The following DSCAML1 variants were observed in gnomAD, a reference collection of about 807,000 sequenced individuals.
The protein encoded by DSCAML1 is DS cell adhesion molecule like 1, also known as cell adhesion molecule DSCAML1.
A neutral mutation model predicts 200.5 loss-of-function variants in DSCAML1; 38 were observed. The observed-to-expected ratio is 0.19, with a 90% CI of 0.15 to 0.25. The LOEUF (loss-of-function observed/expected upper bound fraction) is 0.25, where lower values mean the gene tolerates loss of function less well. Ranked by LOEUF, DSCAML1 falls within the 10% of genes least tolerant of loss-of-function variation. The pLI, the probability that DSCAML1 is intolerant of heterozygous loss-of-function variation, is 1.00. For synonymous variants in DSCAML1, 1,215 were observed against 1,165.0 expected (o/e 1.04, Z -0.87); for missense variants, 2,223 against 2,858.8 (o/e 0.78, Z 5.07).
chr11:117,451,437 A>G (rs1296604806), intron 19 of DSCAML1, among the ~76,000 whole-genome samples: 2 of 152,200 alleles, frequency 1.3e-5, no homozygotes, highest in Non-Finnish European at 2.9e-5. Flanking sequence ...ATAGCATCCC[A>G]TTCAATTTAT....
intron 1 of DSCAML1, among the ~76,000 whole-genome samples, chr11:117,809,194 G>C (rs1033876477): frequency 2.0e-5 from 3 of 152,276 alleles, no homozygotes; most frequent in Non-Finnish European, 4.4e-5. Context: ...CCCAGGCTCA[G>C]GAGAAGTCTT....
At chr11:117,494,093 T>A (rs897536156) in intron 11 of DSCAML1, among the ~76,000 whole-genome samples, 10 of 152,234 alleles carry the variant, frequency 6.6e-5, no homozygotes, top group African/African-American at 2.4e-4. Context: ...TAGTATTTTT[T>A]ATTTCCATTT....
chr11:117,759,004 C>T (rs1453400453), intron 3 of DSCAML1, among the ~76,000 whole-genome samples: 1 of 152,182 alleles, frequency 6.6e-6, no homozygotes, highest in African/African-American at 2.4e-5. Context: ...TGCAAACACA[C>T]ACGCTGATAT....
rs2047950772 is a variant in DSCAML1, at chr11:117,437,802, C to T, written c.4432+93G>A. ...CTGCATCCCTGGACCCCTCCTTCCCCACCCCAGCCACCTTACACCCCATAC... is the reference window on the plus strand; with the variant it reads ...CTGCATCCCTGGACCCCTCCTTCCCTACCCCAGCCACCTTACACCCCATAC... On this transcript the variant is annotated intron_variant, in intron 25 of 32. Coordinates refer to ENST00000651296, the MANE Select transcript of DSCAML1 (RefSeq NM_020693.4). This position sits in a 1 kb window ranked among gnomAD's most constrained non-coding sequence, Gnocchi z 5.3. The T allele has an allele frequency of 2.9e-6, 4 of 1,369,530 alleles. No individual in the cohort carries two copies. The highest frequency in any genetic ancestry group is 5.0e-5 in the East Asian group (2 of 39,776). The allele number at this position is 1,369,530 out of a possible 1,614,324, so 84.8% of individuals were successfully genotyped here.
In DSCAML1 at chr11:117,744,983, G is replaced by A. The variant is rs534447952; in HGVS notation, c.511+31808C>T. Among the ~76,000 whole-genome samples, 4 of 151,746 alleles carry A rather than the reference G, an allele frequency of 2.6e-5. No individual in the cohort carries two copies. In the East Asian group the frequency reaches 7.8e-4, roughly 30 times the overall value. ...CAGAGGGTAGGTGGCCAGGACAAGGGGCTACCTGACAGCCGCAGTGATTAC... is the reference window on the plus strand; with the variant it reads ...CAGAGGGTAGGTGGCCAGGACAAGGAGCTACCTGACAGCCGCAGTGATTAC... On this transcript the variant is annotated intron_variant, in intron 3 of 32. Coordinates refer to ENST00000651296, the MANE Select transcript of DSCAML1 (RefSeq NM_020693.4).
chr11:117,771,531 G>C (rs929703622), intron 3 of DSCAML1, among the ~76,000 whole-genome samples: 1 of 152,162 alleles, frequency 6.6e-6, no homozygotes, highest in African/African-American at 2.4e-5. Flanking sequence ...GCAGATTTCT[G>C]TTCCCAGGCA....
At chr11:117,500,519 A>G (rs534109132) in intron 11 of DSCAML1, among the ~76,000 whole-genome samples, 69 of 147,874 alleles carry the variant, frequency 4.7e-4, no homozygotes, top group African/African-American at 1.7e-3. Flanking sequence ...ACAAAGTACT[A>G]CACAGTAATT....
In DSCAML1 at chr11:117,521,110, G is replaced by A; in HGVS notation, c.1213+20C>T. ...CGGCAGCCCTGAACCCGCCCCCTGT[G>A]TCCTGGCGCCCCAGCTCACCCTCAA... is the stretch of plus-strand genomic sequence containing the variant. On this transcript the variant is annotated intron_variant, in intron 6 of 32. Transcript: ENST00000651296. 2 of 1,606,994 alleles carry A rather than the reference G, an allele frequency of 1.2e-6. No homozygotes were observed.
intron 3 of DSCAML1, among the ~76,000 whole-genome samples, chr11:117,671,933 C>G (rs1451877822): frequency 1.3e-5 from 2 of 151,780 alleles, no homozygotes; most frequent in Non-Finnish European, 2.9e-5. Flanking sequence ...AACCCCATCT[C>G]TACTAAAAAT....
upstream of DSCAML1, among the ~76,000 whole-genome samples, chr11:117,799,566 C>T (rs901348289): frequency 3.2e-4 from 49 of 152,156 alleles, no homozygotes; most frequent in Non-Finnish European, 4.7e-4. Flanking sequence ...GAGACATATA[C>T]GTGGAAATAA....
At chr11:117,640,445 T>C (rs1215204854) in intron 3 of DSCAML1, among the ~76,000 whole-genome samples, 2 of 152,178 alleles carry the variant, frequency 1.3e-5, no homozygotes, top group Middle Eastern at 3.2e-3. Context: ...TTCGGATGAC[T>C]TGTGCTACGT....
intron 11 of DSCAML1, among the ~76,000 whole-genome samples, chr11:117,484,089 C>G (rs2048989030): frequency 6.8e-6 from 1 of 146,242 alleles, no homozygotes; most frequent in Admixed American, 6.8e-5. Context: ...AACAGCTGGC[C>G]CTTTCTCCTC....
At chr11:117,589,680 G>C (rs888289474) in intron 3 of DSCAML1, among the ~76,000 whole-genome samples, 4 of 152,230 alleles carry the variant, frequency 2.6e-5, no homozygotes, top group African/African-American at 7.2e-5. Context: ...GAGTTGCAAA[G>C]AGCCCCTGGG....
intron 8 of DSCAML1, among the ~76,000 whole-genome samples, chr11:117,506,661 T>C (rs562973981): frequency 6.9e-6 from 1 of 144,330 alleles, no homozygotes; most frequent in East Asian, 2.3e-4. Flanking sequence ...GATCCTCCCA[T>C]CTCAGCCTCC....
intron 3 of DSCAML1, among the ~76,000 whole-genome samples, chr11:117,655,646 T>C (rs2052718241): frequency 1.3e-5 from 2 of 152,156 alleles, no homozygotes; most frequent in Admixed American, 1.3e-4. Flanking sequence ...AACCATTGCT[T>C]TGTGGAAGGG....
At chr11:117,759,845 G>C (rs886205636) in intron 3 of DSCAML1, among the ~76,000 whole-genome samples, 1 of 152,144 alleles carries the variant, frequency 6.6e-6, no homozygotes, top group Non-Finnish European at 1.5e-5. Context: ...GATTACAACA[G>C]GATCCCGAGG....
At chr11:117,812,750 C>T (rs11216553) in intron 1 of DSCAML1, among the ~76,000 whole-genome samples, 46,945 of 122,956 alleles carry the variant, frequency 0.38, 11,573 homozygotes, top group Middle Eastern at 0.45. Context: ...TCGTGTCCGA[C>T]TAATCTCCCA....
chr11:117,528,376 A>G (rs2050017049), intron 4 of DSCAML1, among the ~76,000 whole-genome samples: 2 of 152,240 alleles, frequency 1.3e-5, no homozygotes, highest in Admixed American at 1.3e-4. Flanking sequence ...TCTGAGGGAA[A>G]GAAACCTCTT....
Position 117,518,780 on chromosome 11 carries a change from C to T in DSCAML1, c.1214-18G>A, listed in dbSNP as rs549616642. ...CGTGCCATCTGCAGGGAGCGAGAAG[C>T]CCCCTTCAGGGTCACCAAGCCATGG... On this transcript the variant is annotated intron_variant, in intron 6 of 32. Transcript: ENST00000651296. This position sits in a 1 kb window ranked among gnomAD's most constrained non-coding sequence, Gnocchi z 6.3. 2.6e-4 allele frequency: 415 copies of T among 1,602,600 alleles called. 5 individuals carry two copies. The South Asian group carries it at 4.1e-3, about 16-fold the overall frequency.
Sources: gnomAD v4.1 joint callset for allele counts (sites outside exome capture counted in the v4.1 genomes callset) on GRCh38, gnomAD v4.1.1 for gene constraint, Gnocchi (gnomAD v3.1) non-coding constraint, MANE v1.5 for transcripts, NCBI Gene and HGNC (gene_info 2026-07-23, HGNC 2026-07-21) for gene names.